The following CADM1 variants were observed in gnomAD, a reference collection of about 807,000 sequenced individuals.
The protein encoded by CADM1 is TSLC-1.
In CADM1, 15 loss-of-function variants were observed where a neutral mutation model predicts 53.1. The ratio of observed to expected loss-of-function variants is 0.28; its 90% CI spans 0.19 to 0.44. The LOEUF (loss-of-function observed/expected upper bound fraction) is 0.44, where lower values mean the gene tolerates loss of function less well. Among genes scored for constraint, CADM1 ranks in the 20% least tolerant of loss-of-function variants. The pLI is 1.00. For missense variants in CADM1, 434 were observed against 611.3 expected (o/e 0.71, Z 3.06); for synonymous variants, 281 against 243.0 (o/e 1.16, Z -1.45).
chr11:115,354,883 GCATTCATTT>G (rs1197887313), intron 1 of CADM1, among the ~76,000 whole-genome samples: 1 of 151,830 alleles, frequency 6.6e-6, no homozygotes, highest in East Asian at 1.9e-4. Flanking sequence ...AAGATTTTAT[GCATTCATTT>G]CATTCATCCC....
At chr11:115,501,027 C>CTT (rs960767626) in intron 1 of CADM1, among the ~76,000 whole-genome samples, 10 of 152,204 alleles carry the variant, frequency 6.6e-5, no homozygotes, top group African/African-American at 2.4e-4. Flanking sequence ...GAATAAAGCT[C>CTT]TTTGTTCCAG....
intron 1 of CADM1, among the ~76,000 whole-genome samples, chr11:115,464,646 CT>C (rs1565440821): frequency 1.3e-5 from 2 of 152,124 alleles, no homozygotes; most frequent in South Asian, 4.1e-4. Flanking sequence ...TCAAGTGGAA[CT>C]TTTTTGTTTT....
intron 11 of CADM1, among the ~76,000 whole-genome samples, chr11:115,176,991 T>C (rs1311638551): frequency 6.6e-6 from 1 of 152,228 alleles, no homozygotes; most frequent in African/African-American, 2.4e-5. Flanking sequence ...GGAAGAGCAA[T>C]TAGCCAATAA....
rs1938725370 is a variant in CADM1, at chr11:115,169,627, C to T, written c.*6847G>A. ...GGAGAGGAGGTTAGAGAAAACAGGC[C>T]TAGAGAGAGGGAGAGAAAGAGAAAG... On this transcript the variant is annotated 3_prime_UTR_variant, in exon 12 of 12. Coordinates refer to ENST00000331581, the MANE Select transcript of CADM1 (RefSeq NM_001301043.2). 1 of 456,460 alleles carries T rather than the reference C, an allele frequency of 2.2e-6. No homozygotes were observed. Among genetic ancestry groups the T allele is most frequent in the Non-Finnish European group, 4.4e-6 (1 of 226,922 alleles). The allele number at this position is 456,460 out of a possible 1,614,324, so 28.3% of individuals were successfully genotyped here.
chr11:115,185,219 T>C (rs1403084683), intron 10 of CADM1, among the ~76,000 whole-genome samples: 2 of 152,332 alleles, frequency 1.3e-5, no homozygotes, highest in African/African-American at 2.4e-5. Context: ...AAGGAGGGCT[T>C]TTCCAGTTCT....
At chr11:115,415,591 C>T (rs1183432781) in intron 1 of CADM1, among the ~76,000 whole-genome samples, 3 of 152,026 alleles carry the variant, frequency 2.0e-5, no homozygotes, top group Non-Finnish European at 2.9e-5. Context: ...AATCCCAGCA[C>T]TTTGGGAGGC....
chr11:115,289,411 C>T (rs1943818467), intron 1 of CADM1, among the ~76,000 whole-genome samples: 1 of 151,682 alleles, frequency 6.6e-6, no homozygotes, highest in African/African-American at 2.4e-5. Flanking sequence ...TACAGATTTT[C>T]CTCTGTAATA....
chr11:115,486,883 G>C (rs1213530057), intron 1 of CADM1, among the ~76,000 whole-genome samples: 1 of 152,088 alleles, frequency 6.6e-6, no homozygotes, highest in Non-Finnish European at 1.5e-5. Context: ...CTCCAGGCTA[G>C]CTCCCTCCTT....
chr11:115,288,936 C>T (rs1943802603), intron 1 of CADM1, among the ~76,000 whole-genome samples: 1 of 152,142 alleles, frequency 6.6e-6, no homozygotes. Context: ...ATTTCAGCTG[C>T]CCTCCTCCCT....
At chr11:115,492,363 AG>A (rs1303443735) in intron 1 of CADM1, among the ~76,000 whole-genome samples, 2 of 152,232 alleles carry the variant, frequency 1.3e-5, no homozygotes, top group African/African-American at 4.8e-5. Context: ...CAAAAAACAT[AG>A]GGAACGAAAT....
At position 115,174,297 on chromosome 11, in the gene CADM1, CTTTTTTTCTAAA is replaced by C. The variant is rs1399215291; in HGVS notation, c.*2165_*2176del. 1.9e-5 allele frequency: 19 copies of C among 981,534 alleles called. No homozygotes were observed. Among genetic ancestry groups the C allele is most frequent in the Non-Finnish European group, 2.4e-6 (2 of 827,982 alleles). 60.8% of individuals were successfully genotyped at this position (981,534 alleles called of 1,614,324 possible). A position where few individuals can be genotyped will look rare whatever the true frequency, so the allele number is the denominator to read the frequency against. ...TTTTTTTGTTTTTGTTTTTGTTTTT[CTTTTTTTCTAAA>C]AAGAACAACTGAAAAAAAACCTTTC... On this transcript the variant is annotated 3_prime_UTR_variant, in exon 12 of 12. Coordinates refer to ENST00000331581, the MANE Select transcript of CADM1 (RefSeq NM_001301043.2).
chr11:115,201,477 T>C (rs1940425938), intron 8 of CADM1, among the ~76,000 whole-genome samples: 1 of 152,204 alleles, frequency 6.6e-6, no homozygotes, highest in Non-Finnish European at 1.5e-5. Flanking sequence ...TGAGTGCAAC[T>C]CTGTGAGGCA....
intron 1 of CADM1, among the ~76,000 whole-genome samples, chr11:115,441,424 C>T (rs1160116517): frequency 3.9e-5 from 6 of 152,086 alleles, no homozygotes; most frequent in African/African-American, 9.7e-5. Context: ...TTCACCTCTA[C>T]CCAAGACATT....
At chr11:115,446,868 C>T (rs1455224336) in intron 1 of CADM1, among the ~76,000 whole-genome samples, 2 of 152,138 alleles carry the variant, frequency 1.3e-5, no homozygotes, top group Non-Finnish European at 2.9e-5. Flanking sequence ...CAGGATCCAT[C>T]ATCGTCTGCC....
chr11:115,346,279 T>C (rs939389306), intron 1 of CADM1, among the ~76,000 whole-genome samples: 4 of 152,312 alleles, frequency 2.6e-5, no homozygotes, highest in African/African-American at 9.6e-5. Flanking sequence ...GGACTGCAAG[T>C]GAATGTCAAA....
intron 1 of CADM1, among the ~76,000 whole-genome samples, chr11:115,355,894 G>A (rs1356688954): frequency 1.3e-5 from 2 of 152,164 alleles, no homozygotes; most frequent in Admixed American, 1.3e-4. Context: ...TACAAGTGGC[G>A]TGATCTTGGC....
intron 3 of CADM1, among the ~76,000 whole-genome samples, chr11:115,235,565 T>C (rs1268153754): frequency 2.6e-5 from 4 of 152,222 alleles, no homozygotes; most frequent in African/African-American, 7.2e-5. Context: ...GTCAAGGTTC[T>C]TCTCAGCTAA....
intron 1 of CADM1, among the ~76,000 whole-genome samples, chr11:115,368,147 G>T (rs7941157): frequency 1 from 126,766 of 126,776 alleles, 63,378 homozygotes; most frequent in Middle Eastern, 1. Flanking sequence ...TTTACTTTCC[G>T]GAGGAAATGG....
intron 1 of CADM1, among the ~76,000 whole-genome samples, chr11:115,277,660 G>A (rs1267226796): frequency 6.6e-6 from 1 of 152,142 alleles, no homozygotes; most frequent in Non-Finnish European, 1.5e-5. Flanking sequence ...TCTGTTAATG[G>A]AGGAGAGACT....
Sources: gnomAD v4.1 joint callset for allele counts (sites outside exome capture counted in the v4.1 genomes callset) on GRCh38, gnomAD v4.1.1 for gene constraint, MANE v1.5 for transcripts, NCBI Gene and HGNC (gene_info 2026-07-23, HGNC 2026-07-21) for gene names.